Variants in B3GALT1 observed in about 807,000 individuals in gnomAD.
The protein encoded by B3GALT1 is UDP-Gal:betaGlcNAc beta 1,3-galactosyltransferase, polypeptide 1.
Under a neutral mutation model 23.2 loss-of-function variants are expected in B3GALT1, and 10 were observed. The ratio of observed to expected loss-of-function variants is 0.43; its 90% CI spans 0.27 to 0.73. B3GALT1 has a LOEUF of 0.73. Ranked by LOEUF, B3GALT1 falls within the 30% of genes least tolerant of loss-of-function variation. The pLI is 0.21. For synonymous variants in B3GALT1, 156 were observed against 141.5 expected (o/e 1.10, Z -0.73); for missense variants, 299 against 405.4 (o/e 0.74, Z 2.25).
chr2:167,345,941 G>A (rs958303822), intron 1 of B3GALT1, among the ~76,000 whole-genome samples: 2 of 151,966 alleles, frequency 1.3e-5, no homozygotes, highest in African/African-American at 4.8e-5. Context: ...TTTCACTGAG[G>A]TAGACCTGAT....
chr2:167,667,313 G>A (rs185111848), intron 3 of B3GALT1, among the ~76,000 whole-genome samples: 24 of 152,312 alleles, frequency 1.6e-4, no homozygotes, highest in African/African-American at 5.8e-4. Flanking sequence ...TTTCTGCTGA[G>A]AGATCAGCTG....
chr2:167,378,543 G>A (rs975356770), intron 1 of B3GALT1, among the ~76,000 whole-genome samples: 1 of 149,542 alleles, frequency 6.7e-6, no homozygotes, highest in African/African-American at 2.5e-5. Flanking sequence ...TTTTATTTTT[G>A]TCTGACTGGG....
chr2:167,606,040 C>A (rs1386121161), intron 2 of B3GALT1, among the ~76,000 whole-genome samples: 1 of 152,120 alleles, frequency 6.6e-6, no homozygotes, highest in East Asian at 1.9e-4. Context: ...ATTCCTGTCA[C>A]CTTAAAATCA....
In B3GALT1 at chr2:167,392,957, G is replaced by A. The variant is rs975283642; in HGVS notation, c.-510-97220G>A. The stretch of plus-strand genomic sequence containing the variant: ...GTGTACCATTAAGAAATGTTTAGCC[G>A]GGCGCAGTGGCTCACACCTGTAATC... On this transcript the variant is annotated intron_variant, in intron 1 of 4. Transcript: ENST00000392690. 4.6e-5 allele frequency among the ~76,000 whole-genome samples: 7 copies of A among 152,216 alleles called. No individual in the cohort carries two copies. The South Asian group carries it at 6.2e-4, about 14-fold the overall frequency.
chr2:167,684,563 G>T (rs1001830086), intron 3 of B3GALT1, among the ~76,000 whole-genome samples: 15 of 152,222 alleles, frequency 9.9e-5, no homozygotes, highest in African/African-American at 3.6e-4. Flanking sequence ...CAAAAAGATA[G>T]TCTTCATATT....
At chr2:167,515,569 G>C (rs990086381) in intron 2 of B3GALT1, among the ~76,000 whole-genome samples, 1 of 152,054 alleles carries the variant, frequency 6.6e-6, no homozygotes. Flanking sequence ...CAGGGATGAT[G>C]TGTTGCTAGT....
intron 2 of B3GALT1, among the ~76,000 whole-genome samples, chr2:167,617,397 A>C (rs1685179072): frequency 6.6e-6 from 1 of 152,110 alleles, no homozygotes. Context: ...GAGACATGGT[A>C]TGCTTAGAAC....
chr2:167,665,800 G>A (rs1219264077), intron 3 of B3GALT1, among the ~76,000 whole-genome samples: 1 of 152,224 alleles, frequency 6.6e-6, no homozygotes, highest in Non-Finnish European at 1.5e-5. Flanking sequence ...CCGTGGGATC[G>A]GTGGTGATAT....
intron 3 of B3GALT1, among the ~76,000 whole-genome samples, chr2:167,663,081 G>T (rs937226856): frequency 6.6e-6 from 1 of 150,478 alleles, no homozygotes; most frequent in African/African-American, 2.4e-5. Context: ...CTAGCATTAC[G>T]TATATCTCCC....
intron 1 of B3GALT1, among the ~76,000 whole-genome samples, chr2:167,389,342 T>A (rs1000707088): frequency 6.6e-6 from 1 of 152,170 alleles, no homozygotes; most frequent in Non-Finnish European, 1.5e-5. Context: ...AAAATAAAAA[T>A]GTCAATGAAT....
At chr2:167,865,444 G>T (rs1297238332) in intron 4 of B3GALT1, among the ~76,000 whole-genome samples, 1 of 151,986 alleles carries the variant, frequency 6.6e-6, no homozygotes, top group Non-Finnish European at 1.5e-5. Context: ...ACTCTTCTAA[G>T]AAATAGAACT....
chr2:167,654,888 G>A (rs577974453), intron 3 of B3GALT1, among the ~76,000 whole-genome samples: 1 of 151,374 alleles, frequency 6.6e-6, no homozygotes, highest in South Asian at 2.1e-4. Flanking sequence ...CTCTCCCCCA[G>A]GTAACTACCC....
chr2:167,672,679 G>T (rs1558944804), intron 3 of B3GALT1, among the ~76,000 whole-genome samples: 1 of 152,146 alleles, frequency 6.6e-6, no homozygotes, highest in Non-Finnish European at 1.5e-5. Flanking sequence ...CTTTAGGGTT[G>T]TAATAAGGAT....
At chr2:167,789,219 C>A (rs74996564) in intron 3 of B3GALT1, among the ~76,000 whole-genome samples, 72 of 152,282 alleles carry the variant, frequency 4.7e-4, no homozygotes, top group African/African-American at 1.5e-3. Context: ...AAGATATCAC[C>A]ATGTCTTTGT....
At position 167,738,015 on chromosome 2, in the gene B3GALT1, T is replaced by C. The variant is rs539328759; in HGVS notation, c.-351-80657T>C. The stretch of plus-strand genomic sequence containing the variant: ...GATGACAAACCCCAAGACTATCTGC[T>C]GAAGTTCCTCAGAGCCTGAGATTTA... On this transcript the variant is annotated intron_variant, in intron 3 of 4. Coordinates refer to ENST00000392690, the MANE Select transcript of B3GALT1 (RefSeq NM_020981.4). 5.6e-4 allele frequency among the ~76,000 whole-genome samples: 85 copies of C among 152,328 alleles called. 1 individual carries two copies. Among genetic ancestry groups the C allele is most frequent in the Non-Finnish European group, 2.5e-4 (17 of 68,020 alleles).
intron 1 of B3GALT1, among the ~76,000 whole-genome samples, chr2:167,444,925 C>G (rs1172939192): frequency 6.6e-6 from 1 of 152,120 alleles, no homozygotes; most frequent in African/African-American, 2.4e-5. Flanking sequence ...ATGTGTTGCT[C>G]TTGCTTCTCT....
chr2:167,806,424 C>G (rs1688755044), intron 3 of B3GALT1, among the ~76,000 whole-genome samples: 1 of 152,194 alleles, frequency 6.6e-6, no homozygotes, highest in African/African-American at 2.4e-5. Context: ...AAAGGGAATG[C>G]TTCCAGTTTT....
intron 3 of B3GALT1, among the ~76,000 whole-genome samples, chr2:167,738,516 G>A (rs1221865662): frequency 6.6e-6 from 1 of 152,122 alleles, no homozygotes; most frequent in Non-Finnish European, 1.5e-5. Flanking sequence ...CTAAAGACAA[G>A]CACAAACAGT....
intron 1 of B3GALT1, among the ~76,000 whole-genome samples, chr2:167,368,968 C>T (rs1697635125): frequency 6.6e-6 from 1 of 151,766 alleles, no homozygotes; most frequent in Non-Finnish European, 1.5e-5. Flanking sequence ...AATTCAGTGG[C>T]TTAATTATAA....
Sources: allele counts gnomAD v4.1 joint callset (sites outside exome capture counted in the v4.1 genomes callset), GRCh38; gene constraint gnomAD v4.1.1; transcripts MANE v1.5; gene names NCBI Gene and HGNC (gene_info 2026-07-23, HGNC 2026-07-21).